ZNF670: variants seen among roughly 807,000 people sequenced by gnomAD.
ZNF670 encodes the protein zinc finger protein 670.
In ZNF670, 7 loss-of-function variants were observed where a neutral mutation model predicts 10.9. That is an observed-to-expected ratio of 0.64 (90% CI 0.36 to 1.20). ZNF670 has a LOEUF of 1.20. Among genes scored for constraint, ZNF670 ranks in the 50% most tolerant of loss-of-function variants. ZNF670 has a pLI of 0.02. For synonymous variants in ZNF670, 136 were observed against 152.7 expected, an observed-to-expected ratio of 0.89 and a Z score of 0.81; for missense variants, 446 against 458.6, an observed-to-expected ratio of 0.97 and a Z score of 0.25.
At chr1:247,063,451 T>C (rs12122715) in intron 1 of ZNF670, among the ~76,000 whole-genome samples, 20,082 of 151,206 alleles carry the variant, frequency 0.13, 1,618 homozygotes, top group South Asian at 0.22. Flanking sequence ...GGTGTGGTGG[T>C]GGGCGCCTGT....
intron 1 of ZNF670, among the ~76,000 whole-genome samples, chr1:247,065,531 G>A (rs1255030685): frequency 6.6e-6 from 1 of 152,118 alleles, no homozygotes; most frequent in Non-Finnish European, 1.5e-5. Context: ...AGACTGGAGT[G>A]AAAAGAAAAA....
chr1:247,071,880 T>TG (rs955896863), intron 1 of ZNF670, among the ~76,000 whole-genome samples: 1 of 150,778 alleles, frequency 6.6e-6, no homozygotes, highest in African/African-American at 2.4e-5. Context: ...TTTTTTTAGA[T>TG]GGAGTCTCAC....
intron 1 of ZNF670, chr1:247,043,187 C>A: frequency 1.3e-6 from 1 of 749,498 alleles, no homozygotes; most frequent in Non-Finnish European, 2.4e-6. Flanking sequence ...CGTGCTGGAC[C>A]CTCATGACAA....
intron 1 of ZNF670, among the ~76,000 whole-genome samples, chr1:247,074,553 G>A (rs573916386): frequency 2.0e-5 from 3 of 152,082 alleles, no homozygotes; most frequent in Non-Finnish European, 4.4e-5. Context: ...TTACTTTATT[G>A]CAGCAGTTCC....
rs1472907019 is a variant in ZNF670, at chr1:247,037,761, A to G, written c.858T>C (p.Cys286=). 5.6e-6 allele frequency: 9 copies of G among 1,613,860 alleles called. No homozygotes were observed. Among genetic ancestry groups the G allele is most frequent in the Non-Finnish European group, 7.6e-6 (9 of 1,179,994 alleles). ...TGEKPYECIK[C]GKAFRCSRVL... ...CTCTGGAACATCTAAAGGCTTTGCC[A>G]CATTTTATACATTCATAGGGTTTTT... Residue 286 remains cysteine, a synonymous_variant, in exon 4 of 4, where the codon TGT becomes TGC. Coordinates refer to ENST00000366503, the MANE Select transcript of ZNF670 (RefSeq NM_033213.5).
At chr1:247,058,395 A>G (rs1670769990) in intron 1 of ZNF670, among the ~76,000 whole-genome samples, 1 of 152,188 alleles carries the variant, frequency 6.6e-6, no homozygotes, top group African/African-American at 2.4e-5. Context: ...GAAGAAATTT[A>G]AAGCATGGAG....
At position 247,037,794 on chromosome 1, in the gene ZNF670, A is replaced by G; in HGVS notation, c.825T>C (p.His275=). ...STYLGIHERT[H]TGEKPYECIK... is the part of the protein sequence containing the mutation. The stretch of plus-strand genomic sequence containing the variant: ...TACATTCATAGGGTTTTTCTCCAGT[A>G]TGCGTTCTTTCATGTATTCCCAAGT... The change falls in exon 4 of 4, where the codon CAT becomes CAC. Residue 275 remains histidine (H), a synonymous_variant. Coordinates refer to ENST00000366503, the MANE Select transcript of ZNF670 (RefSeq NM_033213.5). 1 of 1,613,648 alleles carries G rather than the reference A, an allele frequency of 6.2e-7. No homozygotes were observed. The highest frequency in any genetic ancestry group is 1.7e-5 in the Admixed American group (1 of 59,924).
At chr1:247,044,879 T>C (rs749992731) in intron 1 of ZNF670, among the ~76,000 whole-genome samples, 60 of 151,686 alleles carry the variant, frequency 4.0e-4, no homozygotes, top group South Asian at 1.2e-3. Flanking sequence ...TGTGACAAAA[T>C]CATTTATGCA....
At chr1:247,048,313 C>G (rs774667226) in intron 1 of ZNF670, among the ~76,000 whole-genome samples, 14 of 152,194 alleles carry the variant, frequency 9.2e-5, no homozygotes, top group Non-Finnish European at 1.9e-4. Flanking sequence ...CTGCCAGTCT[C>G]TTTGCTAAAG....
At chr1:247,040,109 A>G (rs188847841) in intron 1 of ZNF670, among the ~76,000 whole-genome samples, 2,844 of 152,306 alleles carry the variant, frequency 0.019, 47 homozygotes, top group Non-Finnish European at 0.028. Flanking sequence ...AGTGGTACCT[A>G]GGGGATCAGC....
intron 1 of ZNF670, among the ~76,000 whole-genome samples, chr1:247,061,500 A>G (rs927744594): frequency 6.6e-6 from 1 of 152,072 alleles, no homozygotes; most frequent in African/African-American, 2.4e-5. Flanking sequence ...TTGTCATGAA[A>G]TAAGTCTAAT....
At chr1:247,063,440 A>T (rs562445072) in intron 1 of ZNF670, among the ~76,000 whole-genome samples, 1 of 151,882 alleles carries the variant, frequency 6.6e-6, no homozygotes, top group African/African-American at 2.4e-5. Flanking sequence ...AAAATTAGCC[A>T]GGTGTGGTGG....
chr1:247,059,328 C>A (rs1670799950), intron 1 of ZNF670, among the ~76,000 whole-genome samples: 1 of 151,814 alleles, frequency 6.6e-6, no homozygotes, highest in African/African-American at 2.4e-5. Flanking sequence ...CGCCTGTAGT[C>A]CCAGCTACTC....
At chr1:247,075,026 A>G (rs904946228) in intron 1 of ZNF670, among the ~76,000 whole-genome samples, 2 of 152,236 alleles carry the variant, frequency 1.3e-5, no homozygotes, top group Non-Finnish European at 2.9e-5. Context: ...TTCTCTCAAT[A>G]TAAAGAGCTC....
chr1:247,073,871 G>A (rs936766484), intron 1 of ZNF670, among the ~76,000 whole-genome samples: 2 of 152,076 alleles, frequency 1.3e-5, no homozygotes, highest in African/African-American at 2.4e-5. Flanking sequence ...GTTTGATAAC[G>A]TGAAAAACAA....
intron 1 of ZNF670, among the ~76,000 whole-genome samples, chr1:247,051,018 A>T (rs1323135299): frequency 1.3e-5 from 2 of 150,298 alleles, no homozygotes. Flanking sequence ...ATGATTTAGA[A>T]CTCCTTTAGG....
intron 1 of ZNF670, among the ~76,000 whole-genome samples, chr1:247,058,146 A>T (rs895610721): frequency 6.6e-6 from 1 of 152,210 alleles, no homozygotes; most frequent in Non-Finnish European, 1.5e-5. Context: ...ATTAAAAACT[A>T]AAACAAAATA....
intron 1 of ZNF670, among the ~76,000 whole-genome samples, chr1:247,048,255 C>T (rs1670505555): frequency 6.6e-6 from 1 of 152,110 alleles, no homozygotes; most frequent in Admixed American, 6.5e-5. Flanking sequence ...CCTAAATCAT[C>T]TCTCTCAATT....
At chr1:247,043,772 C>T (rs1359782297) in intron 1 of ZNF670, 3 of 373,268 alleles carry the variant, frequency 8.0e-6, no homozygotes, top group Non-Finnish European at 1.6e-5. Context: ...TCTGTGCCTA[C>T]TGATTTGCAG....
Sources: gnomAD v4.1 joint callset for allele counts (sites outside exome capture counted in the v4.1 genomes callset) on GRCh38, gnomAD v4.1.1 for gene constraint, MANE v1.5 for transcripts, NCBI Gene and HGNC (gene_info 2026-07-23, HGNC 2026-07-21) for gene names.